CELF2: variants seen among roughly 807,000 people sequenced by gnomAD.
The protein encoded by CELF2 is CUG triplet repeat RNA-binding protein 2.
CELF2 carries 8 observed loss-of-function variants against 62.6 expected under a neutral mutation model. The ratio of observed to expected loss-of-function variants is 0.13; its 90% confidence interval spans 0.07 to 0.23. The LOEUF is 0.23. Among genes scored for constraint, CELF2 ranks in the 10% least tolerant of loss-of-function variants. CELF2 has a pLI of 1.00. For missense variants in CELF2, 333 were observed against 671.0 expected (o/e 0.50, Z 5.56); for synonymous variants, 258 against 250.0 (o/e 1.03, Z -0.30).
At chr10:11,239,972 G>A (rs1262194190) in intron 3 of CELF2, among the ~76,000 whole-genome samples, 2 of 152,210 alleles carry the variant, frequency 1.3e-5, no homozygotes, top group Non-Finnish European at 2.9e-5. Flanking sequence ...AGAATCGCTT[G>A]AACCGAGAGG....
the CELF2 span, among the ~76,000 whole-genome samples, chr10:10,754,808 A>C: frequency 0.16 from 24,859 of 152,222 alleles, 2,423 homozygotes; most frequent in East Asian, 0.29. Context: ...CCATGCTCCA[A>C]GGCCTCTCCT....
At chr10:11,276,120 A>G (rs2085996124) in intron 8 of CELF2, among the ~76,000 whole-genome samples, 1 of 151,930 alleles carries the variant, frequency 6.6e-6, no homozygotes, top group South Asian at 2.1e-4. Context: ...CTTTTTTTAA[A>G]TATGTATCCT....
intron 1 of CELF2, among the ~76,000 whole-genome samples, chr10:11,100,274 C>G (rs1464902037): frequency 6.6e-6 from 1 of 151,900 alleles, no homozygotes; most frequent in East Asian, 1.9e-4. Context: ...CCAAGGCCAA[C>G]AAGTTGATGA....
the CELF2 span, among the ~76,000 whole-genome samples, chr10:10,586,894 A>G: frequency 6.6e-6 from 1 of 152,162 alleles, no homozygotes; most frequent in Admixed American, 6.6e-5. Context: ...TAGAACACAT[A>G]GTGGCCTTTA....
At chr10:10,875,216 GA>G (rs1212339858) in intron 1 of CELF2, among the ~76,000 whole-genome samples, 1 of 152,164 alleles carries the variant, frequency 6.6e-6, no homozygotes, top group Non-Finnish European at 1.5e-5. Context: ...ATTCCCAGCA[GA>G]AGTATAATTC....
chr10:10,892,413 A>G (rs1263328223), intron 1 of CELF2, among the ~76,000 whole-genome samples: 1 of 151,898 alleles, frequency 6.6e-6, no homozygotes, highest in Non-Finnish European at 1.5e-5. Flanking sequence ...TGGAGCACAC[A>G]CTCATGTTCA....
Position 11,010,302 on chromosome 10 carries a change from C to T in CELF2, c.53+4862C>T, listed in dbSNP as rs1461913973. On this transcript the variant is annotated intron_variant, in intron 1 of 12. Transcript: ENST00000416382. This position sits in a 1 kb window ranked among gnomAD's most constrained non-coding sequence, Gnocchi z 4.1. Reference sequence around the variant, plus strand: ...ATGTTCGGTGCCTGCTCTCCAGAAACGATAACCTCCCTCTTCCCTCTGGGT... The same window carrying T: ...ATGTTCGGTGCCTGCTCTCCAGAAATGATAACCTCCCTCTTCCCTCTGGGT... The T allele has an allele frequency of 6.6e-6, 1 of 152,180 alleles. No homozygotes were observed. Among genetic ancestry groups the T allele is most frequent in the Admixed American group, 6.5e-5 (1 of 15,274 alleles). The allele number at this position is 152,180 out of a possible 1,614,324, so 9.4% of individuals were successfully genotyped here. A position where few individuals can be genotyped will look rare whatever the true frequency, so the allele number is the denominator to read the frequency against.
chr10:10,664,555 T>A, the CELF2 span, among the ~76,000 whole-genome samples: 44,685 of 152,104 alleles, frequency 0.29, 7,121 homozygotes, highest in South Asian at 0.52. Flanking sequence ...AGAGTTTGGG[T>A]AAAAATTATG....
chr10:10,670,006 G>A, the CELF2 span, among the ~76,000 whole-genome samples: 5 of 149,342 alleles, frequency 3.3e-5, no homozygotes, highest in Admixed American at 6.8e-5. Flanking sequence ...AGGTTCAAGC[G>A]ATTCTCCTGC....
the CELF2 span, among the ~76,000 whole-genome samples, chr10:10,765,764 A>T: frequency 6.6e-6 from 1 of 152,188 alleles, no homozygotes; most frequent in African/African-American, 2.4e-5. Flanking sequence ...GCTTATCTGA[A>T]GGGCGGATCC....
the CELF2 span, among the ~76,000 whole-genome samples, chr10:10,624,673 G>A: frequency 6.6e-6 from 1 of 152,162 alleles, no homozygotes; most frequent in African/African-American, 2.4e-5. Flanking sequence ...AAAACCCTGG[G>A]AGATACAGTC....
At chr10:10,759,509 C>T in the CELF2 span, among the ~76,000 whole-genome samples, 1 of 151,904 alleles carries the variant, frequency 6.6e-6, no homozygotes, top group African/African-American at 2.4e-5. Context: ...AGGGTTTCAC[C>T]ATGTTGGCCA....
intron 1 of CELF2, among the ~76,000 whole-genome samples, chr10:11,051,352 GTTCTCTT>G (rs2063882220): frequency 6.6e-6 from 1 of 152,144 alleles, no homozygotes; most frequent in South Asian, 2.1e-4. Flanking sequence ...AAAACATAGA[GTTCTCTT>G]TTGATTATCC....
At chr10:10,561,181 A>G in the CELF2 span, among the ~76,000 whole-genome samples, 1 of 152,098 alleles carries the variant, frequency 6.6e-6, no homozygotes, top group African/African-American at 2.4e-5. Context: ...ATTTTTAAAA[A>G]TTTCCTCTTC....
At chr10:11,179,156 G>A (rs1486550931) in intron 2 of CELF2, among the ~76,000 whole-genome samples, 1 of 152,148 alleles carries the variant, frequency 6.6e-6, no homozygotes, top group Non-Finnish European at 1.5e-5. Flanking sequence ...CCTAAGCCAT[G>A]TGTGTTCCAT....
the CELF2 span, among the ~76,000 whole-genome samples, chr10:10,701,814 A>G: frequency 6.6e-6 from 1 of 152,206 alleles, no homozygotes; most frequent in Non-Finnish European, 1.5e-5. Context: ...ACCATGAGAA[A>G]GTCCCTCGTG....
chr10:11,066,508 G>A (rs2068208699), intron 1 of CELF2, among the ~76,000 whole-genome samples: 1 of 152,130 alleles, frequency 6.6e-6, no homozygotes, highest in South Asian at 2.1e-4. Flanking sequence ...TCCAGCTGAG[G>A]CAGTGGGCTC....
At position 11,145,456 on chromosome 10, in the gene CELF2, T is replaced by C. The variant is rs562994283; in HGVS notation, c.75-20030T>C. Among the ~76,000 whole-genome samples the C allele has an allele frequency of 5.3e-5, 8 of 152,318 alleles. No individual in the cohort carries two copies. The highest frequency in any genetic ancestry group is 2.1e-4 in the South Asian group (1 of 4,832). The stretch of plus-strand genomic sequence containing the variant: ...GAAAACATGACTGCCTGGTGAGTGA[T>C]TGCATTTAATATAAGAATCAGGTAA... On this transcript the variant is annotated intron_variant, in intron 1 of 12. Transcript: ENST00000633077. The surrounding 1 kb of genome is among the most constrained non-coding windows in gnomAD (Gnocchi z 4.3).
rs377743270 is a variant in CELF2, at chr10:11,325,818, T to C, written c.1295-18T>C. 1.2e-3 allele frequency: 666 copies of C among 558,802 alleles called. No individual in the cohort carries two copies. The highest frequency in any genetic ancestry group is 1.6e-3 in the Non-Finnish European group (641 of 403,932). The allele number at this position is 558,802 out of a possible 1,614,324, so 34.6% of individuals were successfully genotyped here. On this transcript the variant is annotated intron_variant, in intron 11 of 12. Coordinates refer to ENST00000633077, the MANE Select transcript of CELF2 (RefSeq NM_001326342.2). ...GACTCAAGGGATACCTTACTCTGAC[T>C]TTTTTTTTCCTCCTTAGGTCCAGAG...
Sources: gnomAD v4.1 joint callset for allele counts (sites outside exome capture counted in the v4.1 genomes callset) on GRCh38, gnomAD v4.1.1 for gene constraint, Gnocchi (gnomAD v3.1) non-coding constraint, MANE v1.5 for transcripts, NCBI Gene and HGNC (gene_info 2026-07-23, HGNC 2026-07-21) for gene names.